Variants in ABLIM1 observed in about 807,000 individuals in gnomAD.
ABLIM1 encodes actin-binding LIM protein 1.
A neutral mutation model predicts 107.0 loss-of-function variants in ABLIM1; 40 were observed. The observed-to-expected ratio is 0.37, with a 90% CI of 0.29 to 0.49. The LOEUF (loss-of-function observed/expected upper bound fraction) is 0.49, where lower values mean the gene tolerates loss of function less well. ABLIM1 is among the 20% of genes least tolerant of loss of function. The pLI is 0.97. For missense variants in ABLIM1, 857 were observed against 1,008.5 expected, an observed-to-expected ratio of 0.85 and a Z score of 2.04; for synonymous variants, 357 against 357.3, an observed-to-expected ratio of 1.00 and a Z score of 0.01.
intron 22 of ABLIM1, 51 bp downstream of exon 22, chr10:114,437,793 G>A (rs578000540): frequency 4.1e-6 from 6 of 1,450,378 alleles, no homozygotes; most frequent in Non-Finnish European, 9.7e-7. Context: ...GAGAGTTGGG[G>A]GAGTGCATAG....
the ABLIM1 span, among the ~76,000 whole-genome samples, chr10:114,788,660 G>GGAGGTTGCAGTGAGCC: frequency 1.3e-5 from 2 of 152,186 alleles, no homozygotes; most frequent in East Asian, 3.9e-4. Context: ...CCTGGGAGGT[G>GGAGGTTGCAGTGAGCC]GAGGTTGCAG....
intron 1 of ABLIM1, among the ~76,000 whole-genome samples, chr10:114,762,015 G>A (rs1046022693): frequency 2.5e-5 from 3 of 122,170 alleles, no homozygotes; most frequent in East Asian, 2.3e-4. Flanking sequence ...TCTCTCACTC[G>A]CTCTCTCTTT....
At position 114,435,261 on chromosome 10, in the gene ABLIM1, G is replaced by A. The variant is rs747195192; in HGVS notation, c.*999C>T. The A allele has an allele frequency of 6.6e-6, 1 of 152,138 alleles. No homozygotes were observed. The highest frequency in any genetic ancestry group is 1.5e-5 in the Non-Finnish European group (1 of 68,032). 9.4% of individuals were successfully genotyped at this position (152,138 alleles called of 1,614,324 possible). Reference sequence around the variant, plus strand: ...AACCTTAAAAACCAACAACAGCATGGGCTTGATCTGATTCATAGGATGCCA... The same window carrying A: ...AACCTTAAAAACCAACAACAGCATGAGCTTGATCTGATTCATAGGATGCCA... On this transcript the variant is annotated 3_prime_UTR_variant, in exon 23 of 23. Transcript: ENST00000533213.
intron 10 of ABLIM1, among the ~76,000 whole-genome samples, chr10:114,470,408 T>G: frequency 9.1e-6 from 1 of 109,956 alleles, no homozygotes; most frequent in Admixed American, 1.4e-4. Context: ...GGTGACAGAG[T>G]GAGACTCCAC....
chr10:114,606,393 GC>G (rs1418053003), intron 1 of ABLIM1, among the ~76,000 whole-genome samples: 1 of 151,866 alleles, frequency 6.6e-6, no homozygotes, highest in Non-Finnish European at 1.5e-5. Context: ...ACACCTCCAT[GC>G]CCAGCTAATT....
intron 8 of ABLIM1, among the ~76,000 whole-genome samples, chr10:114,479,513 A>G (rs2057020701): frequency 6.6e-6 from 1 of 152,068 alleles, no homozygotes; most frequent in East Asian, 1.9e-4. Flanking sequence ...GCTCTTGGAG[A>G]CAGTGACTGT....
intron 1 of ABLIM1, among the ~76,000 whole-genome samples, chr10:114,765,643 T>C (rs1424909636): frequency 6.6e-6 from 1 of 152,186 alleles, no homozygotes; most frequent in Admixed American, 6.5e-5. Flanking sequence ...ATATACACAT[T>C]TCTAGACAAA....
chr10:114,576,467 A>G (rs1212705564), intron 2 of ABLIM1, among the ~76,000 whole-genome samples: 3 of 152,220 alleles, frequency 2.0e-5, no homozygotes, highest in Admixed American at 1.3e-4. Context: ...ATTCCAATTT[A>G]TAATTCCTTA....
At chr10:114,440,738 G>A (rs2060068108) in intron 19 of ABLIM1, 1 of 527,130 alleles carries the variant, frequency 1.9e-6, no homozygotes, top group African/African-American at 1.9e-5. Flanking sequence ...TGGGATTGCA[G>A]GCATGAGCCA....
chr10:114,689,542 A>G (rs574020398), upstream of ABLIM1, among the ~76,000 whole-genome samples: 2 of 151,626 alleles, frequency 1.3e-5, no homozygotes, highest in South Asian at 4.2e-4. Flanking sequence ...TTGTATTTTT[A>G]TTAGCGACGG....
chr10:114,727,349 T>C (rs1035050956), intron 1 of ABLIM1, among the ~76,000 whole-genome samples: 4 of 152,226 alleles, frequency 2.6e-5, no homozygotes, highest in African/African-American at 4.8e-5. Context: ...TAATGCGATA[T>C]CTAGGAAGAT....
At chr10:114,718,070 A>AAGGAAGGAAGGAAGG (rs1566269566) in intron 1 of ABLIM1, among the ~76,000 whole-genome samples, 122 of 54,012 alleles carry the variant, frequency 2.3e-3, no homozygotes, top group Middle Eastern at 9.4e-3. Context: ...AGAAAGGAAG[A>AAGGAAGGAAGGAAGG]AAGGAAGGAA....
At chr10:114,469,403 G>A (rs1416029954) in intron 10 of ABLIM1, among the ~76,000 whole-genome samples, 1 of 152,126 alleles carries the variant, frequency 6.6e-6, no homozygotes, top group East Asian at 1.9e-4. Flanking sequence ...GGCTTCCTTG[G>A]GGCCATCAAC....
At chr10:114,616,463 T>A (rs2077137934) in intron 1 of ABLIM1, among the ~76,000 whole-genome samples, 1 of 152,216 alleles carries the variant, frequency 6.6e-6, no homozygotes, top group Admixed American at 6.5e-5. Context: ...GCCCAAAGGA[T>A]CTGGGCACTG....
At chr10:114,693,909 C>T (rs946209531) in intron 1 of ABLIM1, among the ~76,000 whole-genome samples, 54 of 151,934 alleles carry the variant, frequency 3.6e-4, no homozygotes, top group African/African-American at 1.2e-3. Context: ...GCCATCCTCC[C>T]GCCTTGCCCT....
intron 1 of ABLIM1, among the ~76,000 whole-genome samples, chr10:114,618,003 G>C (rs1051179718): frequency 6.6e-6 from 1 of 152,156 alleles, no homozygotes; most frequent in African/African-American, 2.4e-5. Context: ...TATAATGCAT[G>C]ATGGTAATTG....
At chr10:114,454,190 T>C (rs1405374384) in intron 12 of ABLIM1, among the ~76,000 whole-genome samples, 2 of 152,188 alleles carry the variant, frequency 1.3e-5, no homozygotes, top group African/African-American at 2.4e-5. Flanking sequence ...ACACCTACTA[T>C]GGCTGGGCAC....
intron 1 of ABLIM1, among the ~76,000 whole-genome samples, chr10:114,641,348 C>T (rs565404838): frequency 1.0e-4 from 15 of 148,282 alleles, no homozygotes; most frequent in Admixed American, 3.4e-4. Flanking sequence ...TCATGCAACA[C>T]ATATTTATCA....
intron 13 of ABLIM1, 119 bp downstream of exon 13, chr10:114,453,260 A>T: frequency 9.4e-7 from 1 of 1,061,858 alleles, no homozygotes; most frequent in Non-Finnish European, 1.4e-6. Context: ...CCTGCAATTT[A>T]GGGTTTGTTA....
Sources: allele counts gnomAD v4.1 joint callset (sites outside exome capture counted in the v4.1 genomes callset), GRCh38; gene constraint gnomAD v4.1.1; transcripts MANE v1.5; gene names NCBI Gene and HGNC (gene_info 2026-07-23, HGNC 2026-07-21).